The following COL19A1 variants were observed in gnomAD, a reference collection of about 807,000 sequenced individuals.
COL19A1 encodes collagen alpha-1(XIX) chain.
In COL19A1, 159 loss-of-function variants were observed where a neutral mutation model predicts 190.2. The observed-to-expected ratio is 0.84, with a 90% CI of 0.73 to 0.95. COL19A1 has a LOEUF of 0.95. COL19A1 is among the 40% of genes least tolerant of loss of function. The pLI is 0.00. For missense variants in COL19A1, 1,418 were observed against 1,431.9 expected (o/e 0.99, Z 0.16); for synonymous variants, 509 against 458.9 (o/e 1.11, Z -1.39).
At chr6:70,047,973 C>G (rs1353324045) in intron 14 of COL19A1, among the ~76,000 whole-genome samples, 3 of 152,060 alleles carry the variant, frequency 2.0e-5, no homozygotes, top group African/African-American at 7.2e-5. Context: ...CTGTGTTGCT[C>G]TGGCCATGTC....
At chr6:70,130,151 T>C in intron 17 of COL19A1, 31 bp from the exon 18 acceptor site, 1 of 1,609,366 alleles carries the variant, frequency 6.2e-7, no homozygotes. Context: ...CGGATTTTTC[T>C]TTTGTATTTT....
intron 14 of COL19A1, among the ~76,000 whole-genome samples, chr6:70,055,209 A>G (rs1385618911): frequency 6.6e-6 from 1 of 152,194 alleles, no homozygotes; most frequent in Non-Finnish European, 1.5e-5. Flanking sequence ...AGTGGTCAAA[A>G]AGTTTGATAG....
intron 14 of COL19A1, among the ~76,000 whole-genome samples, chr6:70,045,610 C>T (rs1461374846): frequency 3.3e-5 from 5 of 152,186 alleles, no homozygotes; most frequent in Admixed American, 1.3e-4. Context: ...CCGTTTTGTT[C>T]TTTTAAGCTA....
At chr6:69,923,282 A>G (rs1463164059) in intron 4 of COL19A1, among the ~76,000 whole-genome samples, 1 of 152,158 alleles carries the variant, frequency 6.6e-6, no homozygotes, top group East Asian at 1.9e-4. Flanking sequence ...TGTCCTATTC[A>G]TATCCCTCTC....
intron 14 of COL19A1, among the ~76,000 whole-genome samples, chr6:70,051,999 A>G (rs1433319143): frequency 2.6e-5 from 4 of 152,036 alleles, no homozygotes; most frequent in Non-Finnish European, 2.9e-5. Flanking sequence ...ATCCAAGTCT[A>G]TCTTAGAAAG....
At chr6:69,920,026 G>A (rs947839114) in intron 4 of COL19A1, among the ~76,000 whole-genome samples, 1 of 152,004 alleles carries the variant, frequency 6.6e-6, no homozygotes, top group Non-Finnish European at 1.5e-5. Flanking sequence ...TCAGAGGTTA[G>A]GGTTATTTTT....
At chr6:70,023,133 ATTTT>A (rs11383774) in intron 11 of COL19A1, among the ~76,000 whole-genome samples, 1 of 110,094 alleles carries the variant, frequency 9.1e-6, no homozygotes. Flanking sequence ...TTATGCAGCT[ATTTT>A]TTTTTTTTTT....
chr6:70,130,769 T>G (rs1388817763), intron 18 of COL19A1, among the ~76,000 whole-genome samples: 1 of 152,220 alleles, frequency 6.6e-6, no homozygotes, highest in Admixed American at 6.5e-5. Context: ...AAGGGGAAAT[T>G]ACTGTAATAA....
intron 15 of COL19A1, among the ~76,000 whole-genome samples, chr6:70,073,038 A>G (rs915151373): frequency 6.6e-6 from 1 of 151,644 alleles, no homozygotes. Flanking sequence ...CCCAGGCTGC[A>G]GTGCAGTGGT....
At chr6:70,102,326 T>C (rs1783689149) in intron 16 of COL19A1, 104 bp downstream of exon 16, 7 of 871,980 alleles carry the variant, frequency 8.0e-6, no homozygotes, top group African/African-American at 5.0e-5. Context: ...ATTTCCTTTA[T>C]TCTACTGTTT....
chr6:70,183,074 G>A (rs985992839), intron 44 of COL19A1, among the ~76,000 whole-genome samples: 7 of 152,126 alleles, frequency 4.6e-5, no homozygotes, highest in Admixed American at 2.0e-4. Context: ...AAGTTTGGAA[G>A]AGACAGGAAA....
At position 70,066,822 on chromosome 6, in the gene COL19A1, T is replaced by G. The variant is rs1417015748; in HGVS notation, c.1171-1601T>G. Among the ~76,000 whole-genome samples, 4 of 152,094 alleles carry G rather than the reference T, an allele frequency of 2.6e-5. No individual in the cohort carries two copies. In the East Asian group the frequency reaches 7.7e-4, roughly 29 times the overall value. On this transcript the variant is annotated intron_variant, in intron 14 of 50. Coordinates refer to ENST00000620364, the MANE Select transcript of COL19A1 (RefSeq NM_001858.6). ...GGAATAAGGGGAATAAATTTACATT[T>G]ATTTGCATTTGTATTATCAGATTTT...
rs370790742 is a variant in COL19A1, at chr6:69,992,370, CT to C, written c.1026+29506del. ...TAGGATTGCTTTGGCTACCAAGGCT[CT>C]TTTTTGGTTCCATATGAATTTTAGA... On this transcript the variant is annotated intron_variant, in intron 11 of 50. Coordinates refer to ENST00000620364, the MANE Select transcript of COL19A1 (RefSeq NM_001858.6). Among the ~76,000 whole-genome samples, 24 of 151,900 alleles carry C rather than the reference CT, an allele frequency of 1.6e-4. No homozygotes were observed. In the East Asian group the frequency reaches 2.3e-3, roughly 15 times the overall value.
intron 15 of COL19A1, among the ~76,000 whole-genome samples, chr6:70,078,993 G>A (rs1782069846): frequency 6.6e-6 from 1 of 152,162 alleles, no homozygotes; most frequent in South Asian, 2.1e-4. Context: ...CTTAATCCCA[G>A]GAGACAGAGG....
At chr6:70,028,236 C>A (rs1453081997) in intron 12 of COL19A1, among the ~76,000 whole-genome samples, 1 of 152,020 alleles carries the variant, frequency 6.6e-6, no homozygotes, top group Non-Finnish European at 1.5e-5. Flanking sequence ...TAAATAGAAC[C>A]CTCTTTATAG....
intron 2 of COL19A1, among the ~76,000 whole-genome samples, chr6:69,885,620 T>C (rs1273680753): frequency 6.6e-6 from 1 of 152,222 alleles, no homozygotes; most frequent in African/African-American, 2.4e-5. Flanking sequence ...TTGAAGTGCA[T>C]TTCTCCATTT....
chr6:69,929,556 T>C lies in COL19A1; in HGVS notation c.522T>C (p.Leu174=). The C allele has an allele frequency of 1.9e-6, 3 of 1,614,100 alleles. No individual in the cohort carries two copies. Among genetic ancestry groups the C allele is most frequent in the Non-Finnish European group, 2.5e-6 (3 of 1,179,976 alleles). ...TGTTTGATCGTCAGTGGCACAAACT[T>C]GGCATTAGTATACAATCCCAGGTCA... ...RPLFDRQWHK[L]GISIQSQVIS... is the part of the protein sequence containing the mutation. Residue 174 remains leucine, a synonymous_variant, in exon 6 of 51, where the codon CTT becomes CTC. Coordinates refer to ENST00000620364, the MANE Select transcript of COL19A1 (RefSeq NM_001858.6).
chr6:69,973,073 G>C (rs1164129814), intron 11 of COL19A1, among the ~76,000 whole-genome samples: 3 of 152,194 alleles, frequency 2.0e-5, no homozygotes, highest in Admixed American at 2.0e-4. Context: ...GAAAAACCAT[G>C]ATCCTCATTT....
At chr6:70,185,941 C>T (rs1029736575) in intron 46 of COL19A1, among the ~76,000 whole-genome samples, 1 of 152,134 alleles carries the variant, frequency 6.6e-6, no homozygotes. Context: ...GAGATAAGCA[C>T]TGTGATATTT....
Sources: allele counts gnomAD v4.1 joint callset (sites outside exome capture counted in the v4.1 genomes callset), GRCh38; gene constraint gnomAD v4.1.1; transcripts MANE v1.5; gene names NCBI Gene and HGNC (gene_info 2026-07-23, HGNC 2026-07-21).